Variants in ACAA2 observed in about 807,000 individuals in gnomAD.
The protein encoded by ACAA2 is acetyl-CoA acyltransferase 2, also known as 3-ketoacyl-CoA thiolase, mitochondrial.
Under a neutral mutation model 44.8 loss-of-function variants are expected in ACAA2, and 35 were observed. That is an observed-to-expected ratio of 0.78 (90% confidence interval 0.60 to 1.04). The LOEUF (loss-of-function observed/expected upper bound fraction) is 1.04. ACAA2 is among the 50% of genes least tolerant of loss of function. The probability of loss-of-function intolerance (pLI) is 0.00; values close to 1 mark genes in which losing one functional copy is unlikely to be tolerated. For missense variants in ACAA2, 468 were observed against 482.6 expected (o/e 0.97, Z 0.28); for synonymous variants, 142 against 166.5 (o/e 0.85, Z 1.13).
At chr18:49,800,241 G>A (rs1382914509) in intron 2 of ACAA2, among the ~76,000 whole-genome samples, 9 of 146,304 alleles carry the variant, frequency 6.2e-5, no homozygotes, top group Admixed American at 1.4e-4. Flanking sequence ...CCCCCCGCCC[G>A]GCCAGCCGCC....
intron 7 of ACAA2, among the ~76,000 whole-genome samples, chr18:49,789,938 C>A (rs945349253): frequency 6.6e-6 from 1 of 152,054 alleles, no homozygotes; most frequent in Admixed American, 6.6e-5. Flanking sequence ...GGTGACAAAG[C>A]GAGACTCTGT....
intron 7 of ACAA2, among the ~76,000 whole-genome samples, chr18:49,789,887 G>C (rs1254619958): frequency 2.0e-5 from 3 of 151,960 alleles, no homozygotes; most frequent in Admixed American, 1.3e-4. Flanking sequence ...GGAAGAATGA[G>C]GTTGCAGTGA....
rs762701837 is a variant in ACAA2 at position 49,783,947 on chromosome 18, GTGAC to G, written c.1110-20_1110-17del. 1 of 1,610,088 alleles carries G rather than the reference GTGAC, an allele frequency of 6.2e-7. No homozygotes were observed. Among genetic ancestry groups the G allele is most frequent in the South Asian group, 1.1e-5 (1 of 90,966 alleles). ...ACCTCGACGCCTGAAAAAGAAAGCAGTGACTGAAATCTACTCTAATAAAAAATCA... is the reference window on the plus strand; with the variant it reads ...ACCTCGACGCCTGAAAAAGAAAGCAGTGAAATCTACTCTAATAAAAAATCA... On this transcript the variant is annotated splice_polypyrimidine_tract_variant and intron_variant, in intron 9 of 9. Transcript: ENST00000285093.
At chr18:49,812,070 A>C (rs2023676677) in intron 1 of ACAA2, among the ~76,000 whole-genome samples, 1 of 152,192 alleles carries the variant, frequency 6.6e-6, no homozygotes, top group African/African-American at 2.4e-5. Context: ...ATGAAGTGTA[A>C]ATGCCTCGTC....
chr18:49,804,278 G>A (rs559297410), intron 1 of ACAA2, among the ~76,000 whole-genome samples: 1 of 152,086 alleles, frequency 6.6e-6, no homozygotes, highest in Non-Finnish European at 1.5e-5. Context: ...ACCAATTCTA[G>A]TTCTCTCCAA....
intron 7 of ACAA2, among the ~76,000 whole-genome samples, chr18:49,790,740 C>G (rs939724811): frequency 2.6e-5 from 4 of 152,170 alleles, no homozygotes; most frequent in Admixed American, 6.5e-5. Context: ...ACTTCTAAAT[C>G]AAATATTTTA....
In ACAA2 at chr18:49,792,246, T is replaced by TCTAC; in HGVS notation, c.655_658dup (p.Asp220GlyfsTer37). On this transcript the variant is annotated frameshift_variant, in exon 6 of 10. Coordinates refer to ENST00000285093, the MANE Select transcript of ACAA2 (RefSeq NM_006111.3). LOFTEE classifies it high-confidence loss of function. ...GGTGGTTTGGGGCCGAGCATGCTCG[T>TCTAC]CTACCTGCATTGTCTGTTTTCCTTT... is the stretch of plus-strand genomic sequence containing the variant. The TCTAC allele has an allele frequency of 6.2e-7, 1 of 1,613,908 alleles. No individual in the cohort carries two copies. The highest frequency in any genetic ancestry group is 2.2e-5 in the East Asian group (1 of 44,888).
At chr18:49,805,462 T>C (rs899696296) in intron 1 of ACAA2, among the ~76,000 whole-genome samples, 7 of 152,214 alleles carry the variant, frequency 4.6e-5, no homozygotes, top group African/African-American at 1.7e-4. Flanking sequence ...TACAAACGTT[T>C]TGTTCTGGTA....
At position 49,793,059 on chromosome 18, in the gene ACAA2, T is replaced by TAATA. The variant is rs766727182; in HGVS notation, c.578-736_578-733dup. ...TAGATGTAATGGCAATAAATGGACT[T>TAATA]AATACCCCTTTTAAACTTCTTTTGG... On this transcript the variant is annotated intron_variant, in intron 5 of 9. Transcript: ENST00000285093. Among the ~76,000 whole-genome samples, 14 of 152,342 alleles carry TAATA rather than the reference T, an allele frequency of 9.2e-5. No homozygotes were observed. The East Asian group carries it at 1.5e-3, about 17-fold the overall frequency.
intron 5 of ACAA2, among the ~76,000 whole-genome samples, chr18:49,793,252 A>C (rs539721354): frequency 6.6e-6 from 1 of 152,364 alleles, no homozygotes; most frequent in South Asian, 2.1e-4. Context: ...GTACTGTAGT[A>C]ATCTATAGCT....
In ACAA2 at chr18:49,783,572, T is replaced by C; in HGVS notation, c.*275A>G. ...ATCTAAGGCAGAAGTGGTGGTTACTTGGCAAGAATACGATTTCTTTTAATG... is the reference window on the plus strand; with the variant it reads ...ATCTAAGGCAGAAGTGGTGGTTACTCGGCAAGAATACGATTTCTTTTAATG... On this transcript the variant is annotated 3_prime_UTR_variant, in exon 10 of 10. Transcript: ENST00000285093. The C allele has an allele frequency of 3.3e-6, 1 of 299,568 alleles. No homozygotes were observed. The allele number at this position is 299,568 out of a possible 1,614,324, so 18.6% of individuals were successfully genotyped here.
At position 49,802,668 on chromosome 18, in the gene ACAA2, C is replaced by A; in HGVS notation, c.183+19G>T. On this transcript the variant is annotated intron_variant, in intron 2 of 9. Coordinates refer to ENST00000285093, the MANE Select transcript of ACAA2 (RefSeq NM_006111.3). ...TCAAAGAAGCAATAGGAGTGAACACCTTCCTTTACTCTACTAACCTGCAGG... is the reference window on the plus strand; with the variant it reads ...TCAAAGAAGCAATAGGAGTGAACACATTCCTTTACTCTACTAACCTGCAGG... 1.2e-6 allele frequency: 2 copies of A among 1,604,044 alleles called. No individual in the cohort carries two copies. The highest frequency in any genetic ancestry group is 1.7e-6 in the Non-Finnish European group (2 of 1,175,710).
chr18:49,783,577 A>G lies in ACAA2; in HGVS notation c.*270T>C. The G allele has an allele frequency of 3.2e-6, 1 of 309,314 alleles. No individual in the cohort carries two copies. The highest frequency in any genetic ancestry group is 6.1e-6 in the Non-Finnish European group (1 of 164,840). 19.2% of individuals were successfully genotyped at this position (309,314 alleles called of 1,614,324 possible). ...AGGCAGAAGTGGTGGTTACTTGGCA[A>G]GAATACGATTTCTTTTAATGTCTTC... On this transcript the variant is annotated 3_prime_UTR_variant, in exon 10 of 10. Transcript: ENST00000285093.
At chr18:49,793,372 TAAATAGG>T (rs1482937815) in intron 5 of ACAA2, among the ~76,000 whole-genome samples, 1 of 152,222 alleles carries the variant, frequency 6.6e-6, no homozygotes, top group Non-Finnish European at 1.5e-5. Flanking sequence ...CCTTATTAGA[TAAATAGG>T]GAAGGCAAAT....
chr18:49,782,866 T>A lies in ACAA2; in HGVS notation c.*981A>T, dbSNP rs1568583042. On this transcript the variant is annotated 3_prime_UTR_variant, in exon 10 of 10. Transcript: ENST00000285093. ...CTGTCTCAAAAAAAAAAAAAAAAAT[T>A]TCCCCCCAATAAATGTATAACCCAT... 1 of 151,430 alleles carries A rather than the reference T, an allele frequency of 6.6e-6. No homozygotes were observed. The highest frequency in any genetic ancestry group is 1.5e-5 in the Non-Finnish European group (1 of 67,848). The allele number at this position is 151,430 out of a possible 1,614,324, so 9.4% of individuals were successfully genotyped here.
chr18:49,799,233 C>T (rs2023499926), intron 2 of ACAA2, among the ~76,000 whole-genome samples: 1 of 152,116 alleles, frequency 6.6e-6, no homozygotes, highest in South Asian at 2.1e-4. Context: ...CCTCCTCCTC[C>T]CCCTCTCCCC....
chr18:49,793,002 T>C (rs1598794335), intron 5 of ACAA2, among the ~76,000 whole-genome samples: 1 of 152,336 alleles, frequency 6.6e-6, no homozygotes, highest in South Asian at 2.1e-4. Flanking sequence ...CAGGTACTGC[T>C]AAGACTGTTA....
intron 2 of ACAA2, among the ~76,000 whole-genome samples, chr18:49,799,759 T>C (rs944292016): frequency 6.7e-6 from 1 of 149,090 alleles, no homozygotes; most frequent in Non-Finnish European, 1.5e-5. Context: ...CCATCCCATC[T>C]AGGAAGTGAG....
chr18:49,807,777 G>C (rs927349410), intron 1 of ACAA2, among the ~76,000 whole-genome samples: 10 of 152,066 alleles, frequency 6.6e-5, no homozygotes, highest in Middle Eastern at 3.2e-3. Context: ...GGCTACAGTG[G>C]CCGTGTTCAC....
Sources: gnomAD v4.1 joint callset for allele counts (sites outside exome capture counted in the v4.1 genomes callset) on GRCh38, gnomAD v4.1.1 for gene constraint, MANE v1.5 for transcripts, NCBI Gene and HGNC (gene_info 2026-07-23, HGNC 2026-07-21) for gene names.